PARP11: variants seen among roughly 807,000 people sequenced by gnomAD.
The protein encoded by PARP11 is protein mono-ADP-ribosyltransferase PARP11.
PARP11 carries 31 observed loss-of-function variants against 42.9 expected under a neutral mutation model. That is an observed-to-expected ratio of 0.72 (90% CI 0.54 to 0.98). The LOEUF is 0.98. Among genes scored for constraint, PARP11 ranks in the 50% least tolerant of loss-of-function variants. The pLI is 0.00. For synonymous variants in PARP11, 137 were observed against 127.3 expected, an observed-to-expected ratio of 1.08 and a Z score of -0.51; for missense variants, 365 against 413.1, an observed-to-expected ratio of 0.88 and a Z score of 1.01.
At chr12:3,865,883 T>C (rs1454646744) in intron 1 of PARP11, among the ~76,000 whole-genome samples, 1 of 138,012 alleles carries the variant, frequency 7.2e-6, no homozygotes, top group Non-Finnish European at 1.5e-5. Context: ...TACGTCTTGT[T>C]ATTTGCTTTT....
intron 3 of PARP11, 25 bp from the exon 4 acceptor site, chr12:3,826,258 A>G (rs1301306355): frequency 5.9e-6 from 9 of 1,519,244 alleles, no homozygotes; most frequent in African/African-American, 2.8e-5. Flanking sequence ...AAGATATTAG[A>G]TAAGTCATAA....
chr12:3,868,168 G>A (rs139160388), intron 1 of PARP11, among the ~76,000 whole-genome samples: 1 of 152,158 alleles, frequency 6.6e-6, no homozygotes, highest in East Asian at 1.9e-4. Context: ...CTAAAATACT[G>A]TTTTATTGGG....
Position 3,841,239 on chromosome 12 carries a change from G to A in PARP11, c.19-11221C>T, listed in dbSNP as rs913007699. 14 of 1,452,630 alleles carry A rather than the reference G, an allele frequency of 9.6e-6. No individual in the cohort carries two copies. The African/African-American group carries it at 1.5e-4, about 16-fold the overall frequency. 90.0% of individuals were successfully genotyped at this position (1,452,630 alleles called of 1,614,324 possible). On this transcript the variant is annotated intron_variant, in intron 1 of 7. Transcript: ENST00000228820. ...CACCTTCTTCACTGTGTCAGACTGG[G>A]GAGGACCTACCTAAAGATAAGAATA...
intron 1 of PARP11, chr12:3,832,205 G>A (rs886470647): frequency 2.6e-5 from 14 of 537,620 alleles, no homozygotes; most frequent in Non-Finnish European, 3.3e-5. Context: ...GGGTGGGACA[G>A]GTACCATTGT....
At position 3,814,088 on chromosome 12, in the gene PARP11, G is replaced by A; in HGVS notation, c.649C>T (p.His217Tyr). The A allele has an allele frequency of 6.2e-7, 1 of 1,607,600 alleles. No homozygotes were observed. Among genetic ancestry groups the A allele is most frequent in the East Asian group, 2.2e-5 (1 of 44,702 alleles). The change falls in exon 7 of 8, where the codon CAT (histidine) becomes TAT (tyrosine). Residue 217 changes from histidine (H) to tyrosine (Y), a missense_variant. By Grantham distance (83) the His-to-Tyr change is moderately conservative. Transcript: ENST00000228820. ...SSEFVEAICIHNFDWRINGIH... is the reference protein window; with the variant it reads ...SSEFVEAICIYNFDWRINGIH... Reference sequence around the variant, plus strand: ...CCATTTATTCTCCAATCAAAGTTATGAATGCAGATTGCTTCCACAAATTCA... The same window carrying A: ...CCATTTATTCTCCAATCAAAGTTATAAATGCAGATTGCTTCCACAAATTCA...
At chr12:3,826,102 T>A (rs1947515449) in intron 4 of PARP11, 56 bp downstream of exon 4, 5 of 992,810 alleles carry the variant, frequency 5.0e-6, no homozygotes, top group Non-Finnish European at 7.5e-6. Flanking sequence ...TGTTTTTCTG[T>A]CCAATAGTAA....
chr12:3,841,795 G>A (rs1947894184), intron 1 of PARP11: 2 of 1,610,984 alleles, frequency 1.2e-6, no homozygotes, highest in African/African-American at 2.7e-5. Flanking sequence ...AGAAAATCCA[G>A]TAATGAGGCA....
intron 6 of PARP11, among the ~76,000 whole-genome samples, chr12:3,817,532 C>A (rs1050284841): frequency 6.6e-6 from 1 of 152,168 alleles, no homozygotes; most frequent in African/African-American, 2.4e-5. Flanking sequence ...AAGGTGATTT[C>A]CAGGGCCTCA....
At chr12:3,824,521 C>G (rs929542422) in intron 4 of PARP11, 46 of 340,894 alleles carry the variant, frequency 1.3e-4, no homozygotes, top group Non-Finnish European at 1.8e-4. Flanking sequence ...TGTATTCCCA[C>G]AGTAAATAAA....
At chr12:3,819,233 T>A (rs1947348062) in intron 6 of PARP11, among the ~76,000 whole-genome samples, 1 of 152,246 alleles carries the variant, frequency 6.6e-6, no homozygotes. Context: ...TACCATTCTA[T>A]AATCTTAATA....
chr12:3,846,261 G>C (rs1947991957), intron 1 of PARP11, among the ~76,000 whole-genome samples: 1 of 151,164 alleles, frequency 6.6e-6, no homozygotes, highest in African/African-American at 2.4e-5. Context: ...ATATAAAACT[G>C]TGTGCATATA....
At chr12:3,824,197 ATTAAT>A (rs1357517230) in intron 4 of PARP11, among the ~76,000 whole-genome samples, 2 of 152,198 alleles carry the variant, frequency 1.3e-5, no homozygotes, top group Non-Finnish European at 2.9e-5. Context: ...TTAGTCTGGT[ATTAAT>A]TTGTTTTTCT....
Position 3,840,195 on chromosome 12 carries a change from A to G in PARP11, c.19-10177T>C. On this transcript the variant is annotated intron_variant, in intron 1 of 7. Coordinates refer to ENST00000228820, the MANE Select transcript of PARP11 (RefSeq NM_020367.6). The surrounding 1 kb of genome is among the most constrained non-coding windows in gnomAD (Gnocchi z 4.4). ...GTCAAGTTAGGTTGGATCACAATGG[A>G]AAATTTTTGAATGCAGACGTTCAAG... 1 of 1,611,230 alleles carries G rather than the reference A, an allele frequency of 6.2e-7. No individual in the cohort carries two copies. The highest frequency in any genetic ancestry group is 1.3e-5 in the African/African-American group (1 of 75,006).
chr12:3,818,058 T>A (rs1332207280), intron 6 of PARP11, among the ~76,000 whole-genome samples: 2 of 152,226 alleles, frequency 1.3e-5, no homozygotes, highest in African/African-American at 4.8e-5. Context: ...ATTTCCACTA[T>A]CTGCCCTTAC....
At chr12:3,862,338 A>G (rs1948308298) in intron 1 of PARP11, among the ~76,000 whole-genome samples, 1 of 152,114 alleles carries the variant, frequency 6.6e-6, no homozygotes, top group Admixed American at 6.6e-5. Flanking sequence ...CTGTAGTCCC[A>G]GCTACTTGGG....
In PARP11 at chr12:3,811,766, T is replaced by G; in HGVS notation, c.*357A>C. The G allele has an allele frequency of 5.3e-6, 1 of 188,512 alleles. No homozygotes were observed. Among genetic ancestry groups the G allele is most frequent in the Middle Eastern group, 2.0e-3 (1 of 492 alleles). The allele number at this position is 188,512 out of a possible 1,614,324, so 11.7% of individuals were successfully genotyped here. ...TATTTTTTTTCAACATTTATACGAA[T>G]AAGTCTATTTAAACTAAAATCATTT... On this transcript the variant is annotated 3_prime_UTR_variant, in exon 8 of 8. Transcript: ENST00000228820.
chr12:3,864,663 T>C (rs968070041), intron 1 of PARP11, among the ~76,000 whole-genome samples: 47 of 152,220 alleles, frequency 3.1e-4, no homozygotes, highest in African/African-American at 1.1e-3. Context: ...AATATGTCTA[T>C]TTGATCTAAG....
chr12:3,823,400 T>C (rs933942553), intron 4 of PARP11, among the ~76,000 whole-genome samples: 4 of 152,090 alleles, frequency 2.6e-5, no homozygotes, highest in African/African-American at 7.2e-5. Flanking sequence ...TTATTGCACC[T>C]GTTTTTTTGG....
chr12:3,851,902 G>A (rs1226165386), intron 1 of PARP11, among the ~76,000 whole-genome samples: 1 of 152,168 alleles, frequency 6.6e-6, no homozygotes, highest in Non-Finnish European at 1.5e-5. Context: ...CCTCTGAGAC[G>A]AAGCTTCCTG....
Sources: allele counts gnomAD v4.1 joint callset (sites outside exome capture counted in the v4.1 genomes callset), GRCh38; gene constraint gnomAD v4.1.1; non-coding constraint Gnocchi (gnomAD v3.1); transcripts MANE v1.5; gene names NCBI Gene and HGNC (gene_info 2026-07-23, HGNC 2026-07-21).